Variants in SCFD2 observed in about 807,000 individuals in gnomAD.
SCFD2 encodes sec1 family domain-containing protein 2.
A neutral mutation model predicts 58.9 loss-of-function variants in SCFD2; 54 were observed. That is an observed-to-expected ratio of 0.92 (90% CI 0.74 to 1.15). The LOEUF is 1.15. Ranked by LOEUF, SCFD2 falls within the 50% of genes most tolerant of loss-of-function variation. The probability of loss-of-function intolerance (pLI) is 0.00; values close to 1 mark genes in which losing one functional copy is unlikely to be tolerated. For synonymous variants in SCFD2, 321 were observed against 335.9 expected, an observed-to-expected ratio of 0.96 and a Z score of 0.49; for missense variants, 805 against 836.6, an observed-to-expected ratio of 0.96 and a Z score of 0.47.
chr4:52,891,201 T>C (rs148742377), intron 7 of SCFD2, among the ~76,000 whole-genome samples: 66 of 152,208 alleles, frequency 4.3e-4, no homozygotes, highest in African/African-American at 1.4e-3. Context: ...TATTCATCCA[T>C]TCAACAAATA....
chr4:53,299,111 T>G (rs956836720), intron 3 of SCFD2, among the ~76,000 whole-genome samples: 2 of 151,838 alleles, frequency 1.3e-5, no homozygotes, highest in Admixed American at 1.3e-4. Context: ...CTTTGATGAG[T>G]TGAGAGAGGA....
At position 53,238,454 on chromosome 4, in the gene SCFD2, A is replaced by AC. The variant is rs1329844962; in HGVS notation, c.1311+35371dup. Among the ~76,000 whole-genome samples the AC allele has an allele frequency of 2.6e-3, 359 of 136,148 alleles. 1 individual carries two copies. The highest frequency in any genetic ancestry group is 9.7e-3 in the African/African-American group (340 of 35,122). The allele number at this position is 136,148 out of a possible 152,430, so 89.3% of individuals were successfully genotyped here. The stretch of plus-strand genomic sequence containing the variant: ...GGGCGGCTGGCCGGGCAGGGGGCTG[A>AC]CCCCCCCACCTCCCTCCCGGATGGG... On this transcript the variant is annotated intron_variant, in intron 4 of 8. Transcript: ENST00000401642.
chr4:53,217,507 C>A (rs1728889154), intron 4 of SCFD2, among the ~76,000 whole-genome samples: 1 of 152,132 alleles, frequency 6.6e-6, no homozygotes, highest in South Asian at 2.1e-4. Context: ...AGATCTTCCT[C>A]CATCCCTTTA....
intron 4 of SCFD2, among the ~76,000 whole-genome samples, chr4:53,215,452 T>C (rs1272534069): frequency 6.6e-6 from 1 of 151,932 alleles, no homozygotes; most frequent in African/African-American, 2.4e-5. Context: ...TGGCTGTCTG[T>C]TATTGGTGTA....
At chr4:53,034,526 G>T (rs1249757805) in intron 5 of SCFD2, among the ~76,000 whole-genome samples, 1 of 152,186 alleles carries the variant, frequency 6.6e-6, no homozygotes, top group East Asian at 1.9e-4. Context: ...AAGAGAGGAA[G>T]TCAAATTGTC....
intron 1 of SCFD2, among the ~76,000 whole-genome samples, chr4:53,354,699 CT>C (rs1300622089): frequency 2.6e-5 from 4 of 152,258 alleles, no homozygotes; most frequent in Admixed American, 2.6e-4. Context: ...AATAAATAAC[CT>C]GTATCTAGTC....
At chr4:53,207,506 T>TTA (rs1728449448) in intron 4 of SCFD2, among the ~76,000 whole-genome samples, 2 of 12,116 alleles carry the variant, frequency 1.7e-4, no homozygotes, top group African/African-American at 3.6e-4. Flanking sequence ...TATATATATA[T>TTA]TATATATATT....
intron 3 of SCFD2, among the ~76,000 whole-genome samples, chr4:53,292,069 A>T (rs1331968832): frequency 3.3e-5 from 5 of 152,088 alleles, no homozygotes; most frequent in Admixed American, 1.3e-4. Context: ...AAACTATAAA[A>T]CTATAAAACC....
At chr4:53,255,749 TGGCCGGGCAGAGG>T (rs1165364151) in intron 4 of SCFD2, among the ~76,000 whole-genome samples, 5 of 149,340 alleles carry the variant, frequency 3.3e-5, no homozygotes, top group African/African-American at 1.2e-4. Context: ...GACGGGGTGG[TGGCCGGGCAGAGG>T]GGCTCCTCAC....
intron 5 of SCFD2, among the ~76,000 whole-genome samples, chr4:52,922,259 CTGAGTT>C (rs1434787725): frequency 1.3e-5 from 2 of 152,112 alleles, no homozygotes; most frequent in African/African-American, 4.8e-5. Context: ...TTAGCATATT[CTGAGTT>C]TAACAACCAT....
intron 1 of SCFD2, among the ~76,000 whole-genome samples, chr4:53,362,839 G>T (rs931748212): frequency 2.6e-5 from 4 of 152,148 alleles, no homozygotes; most frequent in Non-Finnish European, 4.4e-5. Flanking sequence ...TGAAAAGAGA[G>T]GCTTTAGTCT....
intron 5 of SCFD2, among the ~76,000 whole-genome samples, chr4:53,135,244 G>A (rs1050596655): frequency 7.9e-5 from 12 of 152,200 alleles, no homozygotes; most frequent in African/African-American, 2.4e-4. Context: ...TGCCTAAGGC[G>A]GGGGCTCTAG....
At chr4:52,919,839 C>G (rs1270273861) in intron 6 of SCFD2, among the ~76,000 whole-genome samples, 2 of 152,188 alleles carry the variant, frequency 1.3e-5, no homozygotes, top group Non-Finnish European at 2.9e-5. Context: ...CTCAAGTCTC[C>G]CTTAAAGAGT....
intron 4 of SCFD2, among the ~76,000 whole-genome samples, chr4:53,240,072 TACA>T (rs1308404642): frequency 6.6e-6 from 1 of 152,202 alleles, no homozygotes; most frequent in African/African-American, 2.4e-5. Flanking sequence ...ATGGGTTGAC[TACA>T]ACAAGTGAAC....
chr4:53,117,773 G>A (rs1162919522), intron 5 of SCFD2, among the ~76,000 whole-genome samples: 6 of 152,106 alleles, frequency 3.9e-5, no homozygotes. Context: ...TTTTAAACAT[G>A]TCTTGATATA....
chr4:53,063,615 G>T (rs1247372233), intron 5 of SCFD2, among the ~76,000 whole-genome samples: 1 of 152,032 alleles, frequency 6.6e-6, no homozygotes, highest in Non-Finnish European at 1.5e-5. Flanking sequence ...GGGAAGTTAG[G>T]ATTCAAACCC....
intron 5 of SCFD2, among the ~76,000 whole-genome samples, chr4:52,963,432 C>T (rs950751165): frequency 2.6e-5 from 4 of 152,200 alleles, no homozygotes; most frequent in African/African-American, 9.7e-5. Context: ...ACTGTCTTCT[C>T]TTTCCCATAT....
Position 52,952,350 on chromosome 4 carries a change from G to A in SCFD2, c.1562-31480C>T, listed in dbSNP as rs538842991. Among the ~76,000 whole-genome samples, 6 of 149,476 alleles carry A rather than the reference G, an allele frequency of 4.0e-5. No individual in the cohort carries two copies. In the South Asian group the frequency reaches 1.3e-3, roughly 32 times the overall value. On this transcript the variant is annotated intron_variant, in intron 5 of 8. Transcript: ENST00000401642. ...CCAGACAGTAACACACCACCATCAG[G>A]CATCTTTCTGGGGGACAATCTAAAG... is the stretch of plus-strand genomic sequence containing the variant.
At chr4:53,237,474 A>G (rs1212198717) in intron 4 of SCFD2, among the ~76,000 whole-genome samples, 1 of 63,124 alleles carries the variant, frequency 1.6e-5, no homozygotes. Flanking sequence ...GGGGGGGCTG[A>G]CCCCCCCACC....
Sources: gnomAD v4.1 joint callset for allele counts (sites outside exome capture counted in the v4.1 genomes callset) on GRCh38, gnomAD v4.1.1 for gene constraint, MANE v1.5 for transcripts, NCBI Gene and HGNC (gene_info 2026-07-23, HGNC 2026-07-21) for gene names.